The following EPN2 variants were observed in gnomAD, a reference collection of about 807,000 sequenced individuals.
The protein encoded by EPN2 is epsin 2.
EPN2 carries 34 observed loss-of-function variants against 61.7 expected under a neutral mutation model. The ratio of observed to expected loss-of-function variants is 0.55; its 90% CI spans 0.42 to 0.73. The LOEUF is 0.73. Ranked by LOEUF, EPN2 falls within the 30% of genes least tolerant of loss-of-function variation. The pLI is 0.00. For missense variants in EPN2, 714 were observed against 839.2 expected (o/e 0.85, Z 1.84); for synonymous variants, 349 against 353.6 (o/e 0.99, Z 0.15).
chr17:19,312,663 A>C (rs944669940), intron 6 of EPN2, among the ~76,000 whole-genome samples: 11 of 150,838 alleles, frequency 7.3e-5, no homozygotes, highest in African/African-American at 2.4e-4. Flanking sequence ...AGGCCGGTGG[A>C]GCCCCTGGCT....
intron 4 of EPN2, chr17:19,308,273 C>T: frequency 4.2e-6 from 3 of 716,276 alleles, no homozygotes; most frequent in Non-Finnish European, 5.1e-6. Flanking sequence ...CGGGTTTTAC[C>T]ATTTTGGCCA....
intron 1 of EPN2, among the ~76,000 whole-genome samples, chr17:19,256,030 T>C (rs992925695): frequency 5.9e-5 from 9 of 152,040 alleles, no homozygotes; most frequent in Non-Finnish European, 1.3e-4. Context: ...CTCTGCCTCC[T>C]GGGTTCATAC....
chr17:19,305,615 A>G (rs1905799167), intron 4 of EPN2, among the ~76,000 whole-genome samples: 2 of 152,194 alleles, frequency 1.3e-5, no homozygotes, highest in African/African-American at 4.8e-5. Flanking sequence ...CTTCTTTCAC[A>G]GTTACCTGAA....
In EPN2 at chr17:19,318,222, C is replaced by T. The variant is rs117163158; in HGVS notation, c.1147+4943C>T. 6.5e-3 allele frequency among the ~76,000 whole-genome samples: 989 copies of T among 152,270 alleles called. 53 individuals carry two copies. The East Asian group carries it at 0.12, about 18-fold the overall frequency. Reference sequence around the variant, plus strand: ...CACTCTATGTTCAAAGCTGTCTGGGCTGTGACCAACTTTGTCTGTGTGGGC... The same window carrying T: ...CACTCTATGTTCAAAGCTGTCTGGGTTGTGACCAACTTTGTCTGTGTGGGC... On this transcript the variant is annotated intron_variant, in intron 7 of 10. Transcript: ENST00000314728.
At chr17:19,299,708 T>C (rs1459833658) in intron 4 of EPN2, among the ~76,000 whole-genome samples, 5 of 152,222 alleles carry the variant, frequency 3.3e-5, no homozygotes. Context: ...GGGATTTGAC[T>C]CATGCAGACA....
At chr17:19,333,911 C>T (rs1907276792) in intron 10 of EPN2, 45 bp from the exon 11 acceptor site, 2 of 1,488,040 alleles carry the variant, frequency 1.3e-6, no homozygotes, top group Admixed American at 4.5e-5. Context: ...CTCAGAAAGC[C>T]ACACCCTGAC....
intron 4 of EPN2, among the ~76,000 whole-genome samples, chr17:19,309,644 G>T (rs539322297): frequency 6.6e-6 from 1 of 152,348 alleles, no homozygotes; most frequent in South Asian, 2.1e-4. Flanking sequence ...CATACCCAAA[G>T]GCATCTTCTC....
At chr17:19,303,436 G>A (rs574845811) in intron 4 of EPN2, among the ~76,000 whole-genome samples, 2 of 152,118 alleles carry the variant, frequency 1.3e-5, no homozygotes, top group East Asian at 1.9e-4. Context: ...CCATTTCTCC[G>A]GGCCAGCCTT....
chr17:19,269,315 G>A (rs1053200568), intron 1 of EPN2, among the ~76,000 whole-genome samples: 1 of 152,170 alleles, frequency 6.6e-6, no homozygotes, highest in African/African-American at 2.4e-5. Flanking sequence ...AGGAAAGAGG[G>A]AAGTAATATT....
chr17:19,289,724 GTTTTTTT>G (rs58087532), intron 4 of EPN2, among the ~76,000 whole-genome samples: 2 of 78,028 alleles, frequency 2.6e-5, no homozygotes, highest in Non-Finnish European at 4.6e-5. Context: ...GGCGCTCATG[GTTTTTTT>G]TTTTTTTTTT....
chr17:19,238,896 C>T (rs1439988655), intron 1 of EPN2, among the ~76,000 whole-genome samples: 1 of 152,198 alleles, frequency 6.6e-6, no homozygotes, highest in Non-Finnish European at 1.5e-5. Flanking sequence ...CAAGCTTCCT[C>T]TCATTATGTA....
chr17:19,310,349 G>A (rs946752017), intron 5 of EPN2, among the ~76,000 whole-genome samples: 2 of 152,146 alleles, frequency 1.3e-5, no homozygotes, highest in African/African-American at 4.8e-5. Flanking sequence ...CATGCAGGGT[G>A]GGCGCAGGGA....
At chr17:19,289,724 G>GTTTTGTTTTTTTTTTTTTGTTT (rs772230550) in intron 4 of EPN2, among the ~76,000 whole-genome samples, 1 of 78,028 alleles carries the variant, frequency 1.3e-5, no homozygotes, top group Admixed American at 1.9e-4. Context: ...GGCGCTCATG[G>GTTTTGTTTTTTTTTTTTTGTTT]TTTTTTTTTT....
At chr17:19,274,215 C>T (rs2271237) in intron 1 of EPN2, 1 of 152,488 alleles carries the variant, frequency 6.6e-6, no homozygotes, top group African/African-American at 2.4e-5. Context: ...GAGAGTGGCA[C>T]CCCCTCAGCT....
chr17:19,288,913 G>T (rs2045431156), intron 4 of EPN2, among the ~76,000 whole-genome samples: 1 of 152,042 alleles, frequency 6.6e-6, no homozygotes, highest in African/African-American at 2.4e-5. Flanking sequence ...ACAGTGAGAT[G>T]GGGGAAGATG....
At chr17:19,329,729 A>G in intron 9 of EPN2, 82 bp downstream of exon 9, 1 of 827,278 alleles carries the variant, frequency 1.2e-6, no homozygotes, top group Non-Finnish European at 2.0e-6. Flanking sequence ...ATCAGCTTTC[A>G]AAACCCTTCA....
chr17:19,317,237 A>C (rs2152234398), intron 7 of EPN2, among the ~76,000 whole-genome samples: 1 of 152,284 alleles, frequency 6.6e-6, no homozygotes, highest in Admixed American at 6.5e-5. Flanking sequence ...CCTTGGGAGG[A>C]AATGCTCAGG....
chr17:19,269,941 A>C (rs1163355835), intron 1 of EPN2, among the ~76,000 whole-genome samples: 2 of 152,220 alleles, frequency 1.3e-5, no homozygotes, highest in East Asian at 3.9e-4. Context: ...GATTCAGCAA[A>C]GGAAAGTTTC....
At chr17:19,287,878 G>A (rs186492160) in intron 4 of EPN2, among the ~76,000 whole-genome samples, 20 of 152,242 alleles carry the variant, frequency 1.3e-4, no homozygotes, top group Non-Finnish European at 2.4e-4. Flanking sequence ...TCCTCCCTGT[G>A]CCCCTCCCTC....
Sources: gnomAD v4.1 joint callset for allele counts (sites outside exome capture counted in the v4.1 genomes callset) on GRCh38, gnomAD v4.1.1 for gene constraint, MANE v1.5 for transcripts, NCBI Gene and HGNC (gene_info 2026-07-23, HGNC 2026-07-21) for gene names.